KCNIP4: variants seen among roughly 807,000 people sequenced by gnomAD.
KCNIP4 encodes Kv channel-interacting protein 4.
A neutral mutation model predicts 34.0 loss-of-function variants in KCNIP4; 12 were observed. That is an observed-to-expected ratio of 0.35 (90% CI 0.23 to 0.57). The LOEUF (loss-of-function observed/expected upper bound fraction) is 0.57. KCNIP4 is among the 20% of genes least tolerant of loss of function. The pLI is 0.83. For missense variants in KCNIP4, 238 were observed against 311.7 expected (o/e 0.76, Z 1.78); for synonymous variants, 124 against 102.2 (o/e 1.21, Z -1.29).
At chr4:20,762,681 G>A (rs190032617) in intron 3 of KCNIP4, among the ~76,000 whole-genome samples, 2 of 152,324 alleles carry the variant, frequency 1.3e-5, no homozygotes, top group Admixed American at 6.5e-5. Context: ...TCTTGCTGCT[G>A]TAAAATTAGG....
chr4:20,958,153 A>C (rs1434945), intron 1 of KCNIP4, among the ~76,000 whole-genome samples: 105,742 of 152,110 alleles, frequency 0.7, 37,911 homozygotes, highest in African/African-American at 0.87. Context: ...AGTTTCTTAT[A>C]GGAAGTGTTA....
intron 3 of KCNIP4, among the ~76,000 whole-genome samples, chr4:20,837,468 G>T (rs956832302): frequency 2.6e-5 from 4 of 151,912 alleles, no homozygotes; most frequent in Non-Finnish European, 5.9e-5. Context: ...AAAATGATCT[G>T]ATTTTATGGA....
chr4:21,054,811 T>C (rs1235262587), intron 1 of KCNIP4, among the ~76,000 whole-genome samples: 1 of 149,360 alleles, frequency 6.7e-6, no homozygotes, highest in Non-Finnish European at 1.5e-5. Flanking sequence ...AACTGTAAAA[T>C]TCCTAGGAGA....
chr4:21,489,435 C>T (rs182776608), intron 1 of KCNIP4, among the ~76,000 whole-genome samples: 256 of 151,912 alleles, frequency 1.7e-3, no homozygotes, highest in Non-Finnish European at 3.1e-3. Flanking sequence ...ACCTTTATTG[C>T]TGCAATCATA....
intron 1 of KCNIP4, among the ~76,000 whole-genome samples, chr4:21,377,204 C>T (rs1577261309): frequency 6.6e-6 from 1 of 152,140 alleles, no homozygotes. Flanking sequence ...GCATACTACT[C>T]GGACAGGAGA....
intron 1 of KCNIP4, among the ~76,000 whole-genome samples, chr4:21,451,257 T>C (rs1728486951): frequency 6.6e-6 from 1 of 152,140 alleles, no homozygotes; most frequent in South Asian, 2.1e-4. Flanking sequence ...TGGCATTTTG[T>C]GGCTGAGAAT....
intron 1 of KCNIP4, among the ~76,000 whole-genome samples, chr4:21,601,128 T>C (rs868140525): frequency 6.6e-6 from 1 of 151,810 alleles, no homozygotes; most frequent in African/African-American, 2.4e-5. Flanking sequence ...CCTAGGGTTC[T>C]ATCTGGGCTT....
At chr4:21,729,980 T>G (rs1186871260) in intron 1 of KCNIP4, 1 of 132,540 alleles carries the variant, frequency 7.5e-6, no homozygotes, top group Admixed American at 9.0e-5. Flanking sequence ...TGCTTCCCAA[T>G]ATCACTGTTC....
At chr4:21,496,653 G>T (rs1004475996) in intron 1 of KCNIP4, among the ~76,000 whole-genome samples, 3 of 152,240 alleles carry the variant, frequency 2.0e-5, no homozygotes, top group Non-Finnish European at 4.4e-5. Context: ...TGGGGCTGTG[G>T]ACTGGTACCA....
intron 1 of KCNIP4, among the ~76,000 whole-genome samples, chr4:21,488,397 AC>A (rs1161356047): frequency 1.3e-5 from 2 of 152,120 alleles, no homozygotes; most frequent in Non-Finnish European, 1.5e-5. Flanking sequence ...TTTTAAAACT[AC>A]CATTTTTAAA....
At chr4:21,556,705 G>C (rs1739039278) in intron 1 of KCNIP4, among the ~76,000 whole-genome samples, 1 of 151,942 alleles carries the variant, frequency 6.6e-6, no homozygotes, top group African/African-American at 2.4e-5. Context: ...CAGATCACCT[G>C]AGGTCAGGAG....
At chr4:21,755,133 C>T (rs981457965) in intron 1 of KCNIP4, among the ~76,000 whole-genome samples, 5 of 151,908 alleles carry the variant, frequency 3.3e-5, no homozygotes, top group South Asian at 2.1e-4. Context: ...AGCAAGACAC[C>T]GTCTCAAAAA....
At chr4:20,872,458 C>T (rs1277287549) in intron 2 of KCNIP4, among the ~76,000 whole-genome samples, 1 of 151,966 alleles carries the variant, frequency 6.6e-6, no homozygotes, top group South Asian at 2.1e-4. Context: ...AAACTTGAAC[C>T]CTGCAATCTA....
chr4:21,027,425 T>C (rs1018676070), intron 1 of KCNIP4, among the ~76,000 whole-genome samples: 10 of 151,634 alleles, frequency 6.6e-5, no homozygotes, highest in African/African-American at 2.4e-4. Flanking sequence ...TTAGATTAGA[T>C]ACGGGGCTGA....
intron 1 of KCNIP4, among the ~76,000 whole-genome samples, chr4:21,409,512 A>C (rs903418545): frequency 2.6e-5 from 4 of 152,202 alleles, no homozygotes; most frequent in African/African-American, 9.6e-5. Context: ...GAATTAAAAT[A>C]GGTAAAAAAA....
chr4:20,996,095 G>T (rs951623300), intron 1 of KCNIP4, among the ~76,000 whole-genome samples: 1 of 152,102 alleles, frequency 6.6e-6, no homozygotes, highest in South Asian at 2.1e-4. Flanking sequence ...TCTGCTATAT[G>T]CTAGAATATG....
chr4:21,563,207 G>T (rs377339574), intron 1 of KCNIP4, among the ~76,000 whole-genome samples: 6 of 151,922 alleles, frequency 3.9e-5, no homozygotes, highest in African/African-American at 1.4e-4. Context: ...GTATATATTG[G>T]CAGAAGGAAT....
intron 1 of KCNIP4, among the ~76,000 whole-genome samples, chr4:21,372,028 C>A (rs1340485808): frequency 6.8e-6 from 1 of 146,842 alleles, no homozygotes; most frequent in Non-Finnish European, 1.5e-5. Flanking sequence ...ATTTTATAAG[C>A]CACAATGTGC....
intron 1 of KCNIP4, among the ~76,000 whole-genome samples, chr4:21,800,329 C>T (rs1720908252): frequency 6.6e-6 from 1 of 152,072 alleles, no homozygotes; most frequent in African/African-American, 2.4e-5. Context: ...TGAAGACTTG[C>T]TATAATTCAT....
Sources: allele counts gnomAD v4.1 joint callset (sites outside exome capture counted in the v4.1 genomes callset), GRCh38; gene constraint gnomAD v4.1.1; transcripts MANE v1.5; gene names NCBI Gene and HGNC (gene_info 2026-07-23, HGNC 2026-07-21).